Variants in SUCLG2 observed in about 807,000 individuals in gnomAD.
The protein encoded by SUCLG2 is succinate--CoA ligase [GDP-forming] subunit beta, mitochondrial.
SUCLG2 carries 42 observed loss-of-function variants against 47.9 expected under a neutral mutation model. The observed-to-expected ratio is 0.88, with a 90% confidence interval of 0.69 to 1.14. The LOEUF (loss-of-function observed/expected upper bound fraction) is 1.14, where lower values mean the gene tolerates loss of function less well. SUCLG2 is among the 50% of genes most tolerant of loss of function. The pLI is 0.00. For synonymous variants in SUCLG2, 195 were observed against 197.3 expected (o/e 0.99, Z 0.10); for missense variants, 571 against 525.9 (o/e 1.09, Z -0.84).
chr3:67,376,354 T>C, intron 10 of SUCLG2: 1 of 985,406 alleles, frequency 1.0e-6, no homozygotes, highest in Non-Finnish European at 1.2e-6. Flanking sequence ...GGCTGAGCCC[T>C]TCAAAACGGG....
intron 7 of SUCLG2, among the ~76,000 whole-genome samples, chr3:67,500,663 C>T (rs535880741): frequency 1.3e-5 from 2 of 152,280 alleles, no homozygotes; most frequent in East Asian, 3.9e-4. Flanking sequence ...TCGTACATGG[C>T]TTTCCACTAG....
intron 10 of SUCLG2, among the ~76,000 whole-genome samples, chr3:67,398,463 A>C (rs1162169408): frequency 6.6e-6 from 1 of 151,838 alleles, no homozygotes; most frequent in Non-Finnish European, 1.5e-5. Context: ...AATCAAAACC[A>C]CAATGAGATA....
At chr3:67,495,383 G>A (rs1323522805) in intron 9 of SUCLG2, among the ~76,000 whole-genome samples, 7 of 152,068 alleles carry the variant, frequency 4.6e-5, no homozygotes, top group Admixed American at 1.3e-4. Context: ...GGCTGGGCGC[G>A]GTGGCTCATG....
chr3:67,509,708 G>C (rs575546473), intron 6 of SUCLG2, among the ~76,000 whole-genome samples: 114 of 152,326 alleles, frequency 7.5e-4, no homozygotes, highest in African/African-American at 2.6e-3. Flanking sequence ...GATGCACAGA[G>C]CAAGAGGGTG....
At chr3:67,651,532 AT>A (rs1342916055) in intron 1 of SUCLG2, among the ~76,000 whole-genome samples, 1 of 152,200 alleles carries the variant, frequency 6.6e-6, no homozygotes, top group East Asian at 1.9e-4. Flanking sequence ...GTATGCCTAC[AT>A]ATAATTTCAC....
intron 9 of SUCLG2, among the ~76,000 whole-genome samples, chr3:67,431,855 T>C (rs965304718): frequency 1.2e-4 from 19 of 152,322 alleles, no homozygotes; most frequent in African/African-American, 4.1e-4. Flanking sequence ...CTGCACGTTG[T>C]GCACATGTAC....
intron 2 of SUCLG2, among the ~76,000 whole-genome samples, chr3:67,557,728 T>A (rs765025937): frequency 6.6e-6 from 1 of 152,146 alleles, no homozygotes; most frequent in Non-Finnish European, 1.5e-5. Context: ...TTGTAGTGCA[T>A]CTTAATAATT....
At chr3:67,572,450 TA>T (rs1342103411) in intron 2 of SUCLG2, among the ~76,000 whole-genome samples, 1 of 152,208 alleles carries the variant, frequency 6.6e-6, no homozygotes, top group East Asian at 1.9e-4. Flanking sequence ...GCAGTACTAC[TA>T]ATTTCTGCTT....
intron 9 of SUCLG2, among the ~76,000 whole-genome samples, chr3:67,444,383 T>TG (rs1358893852): frequency 5.9e-4 from 21 of 35,550 alleles, no homozygotes; most frequent in Admixed American, 8.9e-4. Flanking sequence ...GGGAGGGAGG[T>TG]GGGGGGGTCA....
Position 67,360,552 on chromosome 3 carries a change from T to A in SUCLG2, c.*77A>T, listed in dbSNP as rs922428152. 20 of 1,396,270 alleles carry A rather than the reference T, an allele frequency of 1.4e-5. 1 individual carries two copies. In the South Asian group the frequency reaches 2.5e-4, roughly 17 times the overall value. The allele number at this position is 1,396,270 out of a possible 1,614,324, so 86.5% of individuals were successfully genotyped here. On this transcript the variant is annotated 3_prime_UTR_variant, in exon 11 of 11. Transcript: ENST00000493112. The stretch of plus-strand genomic sequence containing the variant: ...CCATTAGCATGCAGCTGAACCCAAA[T>A]GTAAAAAAATAATTTTGTGATGATA...
chr3:67,576,607 G>A (rs144360611), intron 2 of SUCLG2, among the ~76,000 whole-genome samples: 1 of 152,330 alleles, frequency 6.6e-6, no homozygotes, highest in African/African-American at 2.4e-5. Flanking sequence ...CCCTCCGCTT[G>A]AGACAACTGC....
intron 2 of SUCLG2, among the ~76,000 whole-genome samples, chr3:67,585,696 C>T (rs1707996294): frequency 6.6e-6 from 1 of 152,072 alleles, no homozygotes; most frequent in East Asian, 1.9e-4. Flanking sequence ...GGCGCAGTGG[C>T]TCATATCTGT....
intron 2 of SUCLG2, among the ~76,000 whole-genome samples, chr3:67,584,766 A>C (rs534038776): frequency 6.6e-6 from 1 of 152,284 alleles, no homozygotes; most frequent in Non-Finnish European, 1.5e-5. Flanking sequence ...AAGAAGAAGC[A>C]AACACATCTT....
At chr3:67,431,726 C>A (rs181729606) in intron 9 of SUCLG2, among the ~76,000 whole-genome samples, 2 of 112,592 alleles carry the variant, frequency 1.8e-5, no homozygotes, top group Non-Finnish European at 3.5e-5. Flanking sequence ...CATCACACAC[C>A]GGGGCATGTC....
At chr3:67,540,487 G>C (rs1706674082) in intron 2 of SUCLG2, among the ~76,000 whole-genome samples, 1 of 152,162 alleles carries the variant, frequency 6.6e-6, no homozygotes, top group Non-Finnish European at 1.5e-5. Flanking sequence ...TAGCCAGACT[G>C]CCTGTCTAGA....
intron 9 of SUCLG2, among the ~76,000 whole-genome samples, chr3:67,441,855 C>T (rs138202436): frequency 6.6e-6 from 1 of 152,318 alleles, no homozygotes; most frequent in East Asian, 1.9e-4. Flanking sequence ...GGCAAACATA[C>T]TGGCTTCCCA....
intron 1 of SUCLG2, among the ~76,000 whole-genome samples, chr3:67,620,584 C>CAAAAAAAAAAAAAAAAAAAAAAAAA (rs71109890): frequency 4.7e-5 from 3 of 63,516 alleles, no homozygotes; most frequent in African/African-American, 6.1e-5. Flanking sequence ...GACTCCATCT[C>CAAAAAAAAAAAAAAAAAAAAAAAAA]AAAAAAAAAA....
intron 9 of SUCLG2, among the ~76,000 whole-genome samples, chr3:67,415,093 T>C (rs1432976525): frequency 6.6e-6 from 1 of 152,172 alleles, no homozygotes; most frequent in Non-Finnish European, 1.5e-5. Context: ...TGGGCTCAAG[T>C]GATCCTCCTG....
At chr3:67,567,658 T>C (rs1268256503) in intron 2 of SUCLG2, among the ~76,000 whole-genome samples, 3 of 152,200 alleles carry the variant, frequency 2.0e-5, no homozygotes, top group African/African-American at 2.4e-5. Flanking sequence ...CAAGTCCTTC[T>C]TTATTCCCAC....
Sources: gnomAD v4.1 joint callset for allele counts (sites outside exome capture counted in the v4.1 genomes callset) on GRCh38, gnomAD v4.1.1 for gene constraint, MANE v1.5 for transcripts, NCBI Gene and HGNC (gene_info 2026-07-23, HGNC 2026-07-21) for gene names.